Variants in RSPH10B observed in about 807,000 individuals in gnomAD.
RSPH10B encodes the protein radial spoke head 10 homolog B (Chlamydomonas).
RSPH10B carries 7 observed loss-of-function variants against 52.5 expected under a neutral mutation model. The ratio of observed to expected loss-of-function variants is 0.13; its 90% CI spans 0.08 to 0.25. RSPH10B has a LOEUF of 0.25. Among genes scored for constraint, RSPH10B ranks in the 10% least tolerant of loss-of-function variants. The pLI, the probability that RSPH10B is intolerant of heterozygous loss-of-function variation, is 1.00. For missense variants in RSPH10B, 89 were observed against 542.5 expected, an observed-to-expected ratio of 0.16 and a Z score of 8.30; for synonymous variants, 28 against 193.2, an observed-to-expected ratio of 0.14 and a Z score of 7.09.
At chr7:5,931,615 G>A (rs1159404796) in intron 17 of RSPH10B, among the ~76,000 whole-genome samples, 1 of 150,950 alleles carries the variant, frequency 6.6e-6, no homozygotes, top group Non-Finnish European at 1.5e-5. Context: ...TCAGCACTTT[G>A]GGAGTCAAGG....
chr7:5,970,568 G>GTCGC (rs934304372), upstream of RSPH10B: 2 of 143,646 alleles, frequency 1.4e-5, no homozygotes, highest in African/African-American at 5.2e-5. Flanking sequence ...GCAGGACCCA[G>GTCGC]TCGCCATGGC....
intron 18 of RSPH10B, among the ~76,000 whole-genome samples, chr7:5,927,678 G>A (rs553086420): frequency 1.7e-4 from 25 of 147,176 alleles, no homozygotes; most frequent in African/African-American, 6.2e-4. Context: ...ACTCACCCCT[G>A]TGACCCCAGC....
intron 18 of RSPH10B, among the ~76,000 whole-genome samples, chr7:5,927,074 G>GTGTATATATATA (rs1562553356): frequency 0.039 from 2,816 of 72,850 alleles, 15 homozygotes; most frequent in Admixed American, 0.05. Flanking sequence ...GTGTATATGT[G>GTGTATATATATA]TGTGTGTGTG....
Position 5,961,408 on chromosome 7 carries a change from C to T in RSPH10B, c.400-544G>A, listed in dbSNP as rs1256165902. ...AGGCTGTAGTGCAATGGCGCCATCT[C>T]GGCTCACTGCAACCTCTGCCTCCCA... On this transcript the variant is annotated intron_variant, in intron 3 of 18. Transcript: ENST00000337579. 2.1e-5 allele frequency among the ~76,000 whole-genome samples: 3 copies of T among 139,914 alleles called. 1 individual carries two copies. The highest frequency in any genetic ancestry group is 7.2e-5 in the Admixed American group (1 of 13,960). 91.8% of individuals were successfully genotyped at this position (139,914 alleles called of 152,430 possible). A position where few individuals can be genotyped will look rare whatever the true frequency, so the allele number is the denominator to read the frequency against.
chr7:5,931,108 A>G (rs1016838072), intron 17 of RSPH10B, among the ~76,000 whole-genome samples: 2 of 130,748 alleles, frequency 1.5e-5, no homozygotes, highest in African/African-American at 2.8e-5. Context: ...TAATTTTTGT[A>G]TTTTTAGTAG....
At position 5,929,491 on chromosome 7, in the gene RSPH10B, G is replaced by A. The variant is rs535926649; in HGVS notation, c.2234-1097C>T. Among the ~76,000 whole-genome samples, 116 of 71,612 alleles carry A rather than the reference G, an allele frequency of 1.6e-3. 4 individuals are homozygous for A. The highest frequency in any genetic ancestry group is 6.6e-3 in the African/African-American group (106 of 15,970). 47.0% of individuals were successfully genotyped at this position (71,612 alleles called of 152,430 possible). On this transcript the variant is annotated intron_variant, in intron 17 of 18. Transcript: ENST00000337579. ...CCTAGGTCTTGGGGACAAAATATTC[G>A]AAAGCTTTTATTTATTCAGAGTTTG...
At chr7:5,933,597 A>G (rs1315831016) in intron 16 of RSPH10B, among the ~76,000 whole-genome samples, 1 of 134,744 alleles carries the variant, frequency 7.4e-6, no homozygotes, top group Non-Finnish European at 1.7e-5. Flanking sequence ...CATCTCTACT[A>G]ACAACACAAA....
In RSPH10B at chr7:5,944,406, A is replaced by C. The variant is rs538585899; in HGVS notation, c.1530-416T>G. On this transcript the variant is annotated intron_variant, in intron 11 of 18. Coordinates refer to ENST00000337579, the Ensembl canonical transcript of RSPH10B. The stretch of plus-strand genomic sequence containing the variant: ...GAGCGAGATTCCATCTCAAAAAAAT[A>C]AATATATAAATAAAAGTTTTTTTAA... 2.0e-5 allele frequency among the ~76,000 whole-genome samples: 3 copies of C among 150,996 alleles called. No individual in the cohort carries two copies. The South Asian group carries it at 6.2e-4, about 31-fold the overall frequency.
At chr7:5,927,071 TGTGTG>T (rs1562553307) in intron 18 of RSPH10B, among the ~76,000 whole-genome samples, 8 of 26,588 alleles carry the variant, frequency 3.0e-4, no homozygotes, top group African/African-American at 4.6e-4. Flanking sequence ...TGTGTGTATA[TGTGTG>T]TGTGTGTGTG....
intron 17 of RSPH10B, 118 bp from the exon 20 acceptor site, chr7:5,928,512 A>T: frequency 6.7e-7 from 1 of 1,501,110 alleles, no homozygotes; most frequent in Non-Finnish European, 9.3e-7. Context: ...CGGCCAGGAG[A>T]GGGGAGAGGA....
chr7:5,943,140 T>C, intron 13 of RSPH10B, 184 bp downstream of exon 15: 1 of 1,318,562 alleles, frequency 7.6e-7, no homozygotes, highest in South Asian at 1.5e-5. Flanking sequence ...CGGCTGTTTC[T>C]GTTCCTTCCA....
At chr7:5,928,516 G>C in intron 17 of RSPH10B, 122 bp from the exon 20 acceptor site, 3 of 1,485,692 alleles carry the variant, frequency 2.0e-6, no homozygotes, top group Non-Finnish European at 2.8e-6. Context: ...CAGGAGAGGG[G>C]AGAGGAGTAA....
chr7:5,926,853 C>G (rs1259607717), intron 18 of RSPH10B, among the ~76,000 whole-genome samples: 3 of 136,840 alleles, frequency 2.2e-5, no homozygotes, highest in African/African-American at 5.4e-5. Context: ...CTCCCGAGTT[C>G]AAGCGATTCT....
intron 11 of RSPH10B, 37 bp from the exon 14 acceptor site, chr7:5,944,027 C>T: frequency 1.9e-6 from 3 of 1,609,274 alleles, no homozygotes; most frequent in Non-Finnish European, 2.5e-6. Context: ...AGTTACTTCT[C>T]CTCCAAAAGA....
intron 13 of RSPH10B, among the ~76,000 whole-genome samples, chr7:5,941,984 C>T (rs1428341246): frequency 2.7e-5 from 4 of 149,424 alleles, no homozygotes; most frequent in African/African-American, 9.9e-5. Flanking sequence ...CCTCGGCCTC[C>T]CAGGTTCAAG....
intron 11 of RSPH10B, among the ~76,000 whole-genome samples, 153 bp downstream of exon 13, chr7:5,944,911 C>T (rs1412029319): frequency 1.3e-5 from 2 of 148,262 alleles, no homozygotes; most frequent in African/African-American, 5.1e-5. Flanking sequence ...TGCAGTGAGC[C>T]AAGATTGTGC....
At chr7:5,929,584 C>T (rs62453650) in intron 17 of RSPH10B, among the ~76,000 whole-genome samples, 1,958 of 13,198 alleles carry the variant, frequency 0.15, 81 homozygotes, top group Middle Eastern at 0.21. Context: ...AACTAGACAA[C>T]GGGTTACTCT....
At chr7:5,961,640 C>A (rs1332709547) in intron 3 of RSPH10B, among the ~76,000 whole-genome samples, 12 of 55,634 alleles carry the variant, frequency 2.2e-4, no homozygotes, top group Non-Finnish European at 4.0e-4. Flanking sequence ...CAGGCATGAG[C>A]CATCATGCCT....
chr7:5,957,860 C>T (rs765039925), intron 6 of RSPH10B, 47 bp downstream of exon 8: 62 of 1,407,438 alleles, frequency 4.4e-5, no homozygotes, highest in Non-Finnish European at 5.4e-5. Flanking sequence ...TGAGAATCGG[C>T]GGAGCATCCG....
Sources: allele counts gnomAD v4.1 joint callset (sites outside exome capture counted in the v4.1 genomes callset), GRCh38; gene constraint gnomAD v4.1.1; transcripts MANE v1.5; gene names NCBI Gene and HGNC (gene_info 2026-07-23, HGNC 2026-07-21).